Variants in PCDH19 observed in about 807,000 individuals in gnomAD.
The protein encoded by PCDH19 is protocadherin 19.
Under a neutral mutation model 46.2 loss-of-function variants are expected in PCDH19, and 6 were observed. The observed-to-expected ratio is 0.13, with a 90% CI of 0.07 to 0.26. The LOEUF (loss-of-function observed/expected upper bound fraction) is 0.26. Ranked by LOEUF, PCDH19 falls within the 10% of genes least tolerant of loss-of-function variation. PCDH19 has a pLI of 1.00. For synonymous variants in PCDH19, 481 were observed against 415.7 expected (o/e 1.16, Z -1.91); for missense variants, 740 against 972.3 (o/e 0.76, Z 3.18).
At chrX:100,387,867 A>G in intron 3 of PCDH19, among the ~76,000 whole-genome samples, 1 of 111,870 alleles carries the variant, frequency 8.9e-6, no homozygotes, top group African/African-American at 3.2e-5. Context: ...CCAAGAGAAG[A>G]AAATTAAGAA....
At chrX:100,316,542 C>T (rs1380739303) in intron 5 of PCDH19, among the ~76,000 whole-genome samples, 1 of 111,798 alleles carries the variant, frequency 8.9e-6, no homozygotes, top group African/African-American at 3.3e-5. Context: ...CTCAGGAATA[C>T]GTATGCCCAT....
intron 3 of PCDH19, among the ~76,000 whole-genome samples, chrX:100,370,993 ATGTGTGTGTGTGTGTG>A (rs59834814): frequency 1.0e-5 from 1 of 98,380 alleles, no homozygotes. Context: ...GTGTGTGTGC[ATGTGTGTGTGTGTGTG>A]TGTGTGTGTG....
Position 100,406,930 on chromosome X carries a change from G to T in PCDH19, c.1668C>A (p.Val556=). 1 of 1,211,814 alleles carries T rather than the reference G, an allele frequency of 8.3e-7. No individual in the cohort carries two copies. The highest frequency in any genetic ancestry group is 1.1e-6 in the Non-Finnish European group (1 of 895,474). ...CTGTGATGACCGGGGTGTTGTCGTT[G>T]ACGTCGAGGATGATGACCCGCACCG... ...NATVRVIILD[V]NDNTPVITAP... The change falls in exon 1 of 6, where the codon GTC becomes GTA. Residue 556 remains valine, a synonymous_variant. Transcript: ENST00000373034.
intron 3 of PCDH19, among the ~76,000 whole-genome samples, chrX:100,360,060 T>C (rs1926836723): frequency 8.9e-6 from 1 of 111,929 alleles, no homozygotes. Flanking sequence ...TTCTATTGAG[T>C]AAGCTTTGTC....
intron 2 of PCDH19, among the ~76,000 whole-genome samples, 178 bp from the exon 3 acceptor site, chrX:100,403,029 A>G (rs1195290927): frequency 9.0e-6 from 1 of 111,593 alleles, no homozygotes; most frequent in Non-Finnish European, 1.9e-5. Context: ...GCTGAGGGCC[A>G]TAAACTTTTC....
At chrX:100,396,455 G>A (rs1007448527) in intron 3 of PCDH19, among the ~76,000 whole-genome samples, 1 of 111,071 alleles carries the variant, frequency 9.0e-6, no homozygotes, top group South Asian at 3.9e-4. Flanking sequence ...TCTGATAAGA[G>A]GAATTCCAAA....
rs1314011614 is a variant in PCDH19 at position 100,402,871 on chromosome X, G to A, written c.2289-20C>T. 1.7e-6 allele frequency: 2 copies of A among 1,146,311 alleles called. No homozygotes were observed. The highest frequency in any genetic ancestry group is 2.4e-6 in the Non-Finnish European group (2 of 837,660). 94.5% of individuals were successfully genotyped at this position (1,146,311 alleles called of 1,213,427 possible). On this transcript the variant is annotated intron_variant, in intron 2 of 5. Coordinates refer to ENST00000373034, the MANE Select transcript of PCDH19 (RefSeq NM_001184880.2). ...GCAATTCTATGTGACAGAAAAGGCA[G>A]CATGAATCACTAACACCCTCCCAAA...
intron 3 of PCDH19, among the ~76,000 whole-genome samples, chrX:100,358,684 G>A (rs750108407): frequency 3.3e-4 from 37 of 111,977 alleles, no homozygotes; most frequent in East Asian, 1.1e-3. Flanking sequence ...TAAGGCCCTC[G>A]ACCCTTTTCT....
intron 5 of PCDH19, among the ~76,000 whole-genome samples, chrX:100,333,183 GA>G (rs1925957088): frequency 1.4e-3 from 61 of 43,467 alleles, no homozygotes; most frequent in African/African-American, 4.2e-3. Context: ...GGGAGAGAGA[GA>G]GAAAGAAAGA....
chrX:100,356,304 G>C (rs775612442), intron 3 of PCDH19, among the ~76,000 whole-genome samples: 1 of 111,524 alleles, frequency 9.0e-6, no homozygotes, highest in Non-Finnish European at 1.9e-5. Context: ...ACACAACAAA[G>C]TGATTATAAA....
At chrX:100,383,108 T>G (rs1569307821) in intron 3 of PCDH19, among the ~76,000 whole-genome samples, 1 of 112,294 alleles carries the variant, frequency 8.9e-6, no homozygotes, top group Non-Finnish European at 1.9e-5. Flanking sequence ...GAGGCACAAA[T>G]TAGATATTTT....
chrX:100,365,764 A>G (rs1343945084), intron 3 of PCDH19, among the ~76,000 whole-genome samples: 1 of 111,929 alleles, frequency 8.9e-6, no homozygotes, highest in Non-Finnish European at 1.9e-5. Flanking sequence ...AAATGGGCCC[A>G]GAGAAACTTA....
intron 3 of PCDH19, among the ~76,000 whole-genome samples, chrX:100,366,265 A>T (rs764765831): frequency 8.9e-6 from 1 of 111,920 alleles, no homozygotes; most frequent in Non-Finnish European, 1.9e-5. Context: ...TCGTAGTGAA[A>T]TTATCTAAAA....
chrX:100,299,567 A>T, intron 5 of PCDH19, among the ~76,000 whole-genome samples: 1 of 111,355 alleles, frequency 9.0e-6, no homozygotes, highest in Non-Finnish European at 1.9e-5. Flanking sequence ...GCCCAGAGAC[A>T]GACACCTCCA....
At chrX:100,346,418 C>G (rs983384164) in intron 4 of PCDH19, among the ~76,000 whole-genome samples, 3 of 111,735 alleles carry the variant, frequency 2.7e-5, no homozygotes, top group African/African-American at 9.8e-5. Flanking sequence ...AGAGTGGTTT[C>G]TGGACCACCT....
In PCDH19 at chrX:100,409,761, C is replaced by A; in HGVS notation, c.-1164G>T. ...GCCGCGGGAGGAAGCCCTCCTAGCT[C>A]AGTTGCACGTCGCTGGGGTCCGCCT... On this transcript the variant is annotated 5_prime_UTR_variant, in exon 1 of 6. Transcript: ENST00000373034. 1 of 246,913 alleles carries A rather than the reference C, an allele frequency of 4.1e-6. No homozygotes were observed. Among genetic ancestry groups the A allele is most frequent in the Non-Finnish European group, 7.1e-6 (1 of 140,677 alleles). The allele number at this position is 246,913 out of a possible 1,213,427, so 20.3% of individuals were successfully genotyped here.
chrX:100,322,865 A>ATATATATATATTTTT, intron 5 of PCDH19, among the ~76,000 whole-genome samples: 2 of 54,418 alleles, frequency 3.7e-5, no homozygotes, highest in African/African-American at 8.4e-5. Flanking sequence ...ATATATATAT[A>ATATATATATATTTTT]TTTTTGCAGC....
chrX:100,327,327 A>G (rs1392083482), intron 5 of PCDH19, among the ~76,000 whole-genome samples: 1 of 112,541 alleles, frequency 8.9e-6, no homozygotes, highest in East Asian at 2.8e-4. Flanking sequence ...ATTCGAACAA[A>G]TAAGGTCAAT....
intron 1 of PCDH19, among the ~76,000 whole-genome samples, chrX:100,403,890 C>T (rs1928268784): frequency 1.8e-5 from 2 of 112,389 alleles, no homozygotes; most frequent in Admixed American, 9.4e-5. Flanking sequence ...CATAATGATT[C>T]AGTTTCTTTT....
Sources: gnomAD v4.1 joint callset for allele counts (sites outside exome capture counted in the v4.1 genomes callset) on GRCh38, gnomAD v4.1.1 for gene constraint, MANE v1.5 for transcripts, NCBI Gene and HGNC (gene_info 2026-07-23, HGNC 2026-07-21) for gene names.